The following SPAG16 variants were observed in gnomAD, a reference collection of about 807,000 sequenced individuals.
SPAG16 encodes the protein sperm associated antigen 16.
Under a neutral mutation model 80.4 loss-of-function variants are expected in SPAG16, and 86 were observed. That is an observed-to-expected ratio of 1.07 (90% confidence interval 0.90 to 1.28). The LOEUF (loss-of-function observed/expected upper bound fraction) is 1.28, where lower values mean the gene tolerates loss of function less well. Ranked by LOEUF, SPAG16 falls within the 50% of genes most tolerant of loss-of-function variation. The pLI, the probability that SPAG16 is intolerant of heterozygous loss-of-function variation, is 0.00. For synonymous variants in SPAG16, 294 were observed against 265.9 expected, an observed-to-expected ratio of 1.11 and a Z score of -1.03; for missense variants, 870 against 765.3, an observed-to-expected ratio of 1.14 and a Z score of -1.61.
chr2:214,041,394 C>G (rs1559724835), intron 13 of SPAG16, among the ~76,000 whole-genome samples: 1 of 150,142 alleles, frequency 6.7e-6, no homozygotes, highest in Non-Finnish European at 1.5e-5. Context: ...TTTTAATAAA[C>G]AAAGACTCTT....
At chr2:213,362,228 G>T (rs2066023093) in intron 7 of SPAG16, among the ~76,000 whole-genome samples, 1 of 152,162 alleles carries the variant, frequency 6.6e-6, no homozygotes, top group Non-Finnish European at 1.5e-5. Context: ...ACAAAATAAT[G>T]TAGTGTTTGA....
At chr2:214,017,229 G>A (rs757671753) in intron 13 of SPAG16, among the ~76,000 whole-genome samples, 3 of 152,094 alleles carry the variant, frequency 2.0e-5, no homozygotes, top group East Asian at 1.9e-4. Context: ...ACAAAGGTCC[G>A]ACAATCTCCT....
intron 12 of SPAG16, among the ~76,000 whole-genome samples, chr2:213,998,707 A>G (rs930714720): frequency 2.6e-5 from 4 of 152,228 alleles, no homozygotes; most frequent in Non-Finnish European, 2.9e-5. Context: ...GGAACTTTCT[A>G]TAGACTAGTT....
intron 15 of SPAG16, among the ~76,000 whole-genome samples, chr2:214,409,285 A>C (rs1417335378): frequency 6.6e-6 from 1 of 152,054 alleles, no homozygotes; most frequent in Non-Finnish European, 1.5e-5. Context: ...TGATTAAATA[A>C]TCCCATGGAT....
intron 13 of SPAG16, among the ~76,000 whole-genome samples, chr2:214,048,019 T>A (rs901663500): frequency 2.6e-5 from 4 of 152,146 alleles, no homozygotes; most frequent in African/African-American, 9.7e-5. Context: ...AAATGGCTTT[T>A]ATCCAAAAGT....
chr2:214,360,876 G>A (rs62198194), intron 15 of SPAG16, among the ~76,000 whole-genome samples: 8,662 of 151,728 alleles, frequency 0.057, 377 homozygotes, highest in Non-Finnish European at 0.081. Flanking sequence ...TCTTTCTGGG[G>A]AAGAAAAAAG....
rs192607682 is a variant in SPAG16 at position 214,199,205 on chromosome 2, G to T, written c.1720+49939G>T. On this transcript the variant is annotated intron_variant, in intron 15 of 15. Transcript: ENST00000331683. ...AGCCAATGTCTAGAAGAGTTTTTCC[G>T]ATGTTAACTTCTAGAAGTTTTATGG... 2.0e-5 allele frequency among the ~76,000 whole-genome samples: 3 copies of T among 152,014 alleles called. No individual in the cohort carries two copies. The East Asian group carries it at 5.8e-4, about 29-fold the overall frequency.
At chr2:214,177,971 GTATATA>G (rs34460783) in intron 15 of SPAG16, among the ~76,000 whole-genome samples, 1,819 of 58,950 alleles carry the variant, frequency 0.031, 22 homozygotes, top group African/African-American at 0.047. Context: ...CAAAGTGTAT[GTATATA>G]TATATATATA....
intron 10 of SPAG16, among the ~76,000 whole-genome samples, chr2:213,706,180 A>G (rs138520515): frequency 6.6e-6 from 1 of 152,308 alleles, no homozygotes; most frequent in African/African-American, 2.4e-5. Context: ...CAGGGTCACT[A>G]CGTGTTCTCA....
intron 11 of SPAG16, among the ~76,000 whole-genome samples, chr2:213,883,708 A>G (rs1342195197): frequency 6.6e-6 from 1 of 152,142 alleles, no homozygotes; most frequent in Admixed American, 6.5e-5. Flanking sequence ...TTGGGTGCAT[A>G]TATATTTGGG....
intron 10 of SPAG16, among the ~76,000 whole-genome samples, chr2:213,578,723 T>C (rs1487185295): frequency 1.3e-5 from 2 of 152,090 alleles, no homozygotes; most frequent in Non-Finnish European, 2.9e-5. Context: ...CCTACATTAA[T>C]ATGGAGACAG....
At chr2:214,247,074 T>C (rs182262981) in intron 15 of SPAG16, among the ~76,000 whole-genome samples, 1 of 152,058 alleles carries the variant, frequency 6.6e-6, no homozygotes, top group Non-Finnish European at 1.5e-5. Context: ...CACTTGTAAA[T>C]TGTAATTGAA....
chr2:214,030,656 G>A (rs537091188), intron 13 of SPAG16, among the ~76,000 whole-genome samples: 1 of 152,142 alleles, frequency 6.6e-6, no homozygotes, highest in Non-Finnish European at 1.5e-5. Context: ...TACTTAAATG[G>A]CTCTGTGTTC....
intron 15 of SPAG16, among the ~76,000 whole-genome samples, chr2:214,252,469 C>T (rs1690365172): frequency 6.6e-6 from 1 of 150,804 alleles, no homozygotes; most frequent in East Asian, 2.0e-4. Context: ...CGACAGACCA[C>T]AGTATGTGAT....
At chr2:213,796,515 C>T (rs115919148) in intron 10 of SPAG16, among the ~76,000 whole-genome samples, 101 of 152,180 alleles carry the variant, frequency 6.6e-4, no homozygotes, top group African/African-American at 2.2e-3. Context: ...TATGGATATA[C>T]AGTCATGTGC....
chr2:213,646,986 A>T (rs1450114421), intron 10 of SPAG16, among the ~76,000 whole-genome samples: 1 of 152,240 alleles, frequency 6.6e-6, no homozygotes, highest in Non-Finnish European at 1.5e-5. Flanking sequence ...CAATTTAAAC[A>T]TAAAACAATT....
At chr2:213,390,133 A>T (rs1231269825) in intron 9 of SPAG16, among the ~76,000 whole-genome samples, 1 of 152,222 alleles carries the variant, frequency 6.6e-6, no homozygotes, top group Admixed American at 6.5e-5. Context: ...AACCAATAAC[A>T]GAAAGACAAA....
At chr2:213,366,355 A>G (rs1280795787) in intron 8 of SPAG16, among the ~76,000 whole-genome samples, 1 of 152,168 alleles carries the variant, frequency 6.6e-6, no homozygotes, top group Non-Finnish European at 1.5e-5. Context: ...ACCACTCCTG[A>G]ACACAATGTG....
chr2:213,655,700 G>C (rs2063197028), intron 10 of SPAG16, among the ~76,000 whole-genome samples: 1 of 152,092 alleles, frequency 6.6e-6, no homozygotes, highest in Admixed American at 6.5e-5. Context: ...ATCTGTCCTT[G>C]AATAAATTTC....
Sources: allele counts gnomAD v4.1 joint callset (sites outside exome capture counted in the v4.1 genomes callset), GRCh38; gene constraint gnomAD v4.1.1; transcripts MANE v1.5; gene names NCBI Gene and HGNC (gene_info 2026-07-23, HGNC 2026-07-21).